The following PDE8B variants were observed in gnomAD, a reference collection of about 807,000 sequenced individuals.
PDE8B encodes high affinity cAMP-specific and IBMX-insensitive 3',5'-cyclic phosphodiesterase 8B.
PDE8B carries 26 observed loss-of-function variants against 101.3 expected under a neutral mutation model. The observed-to-expected ratio is 0.26, with a 90% CI of 0.19 to 0.36. PDE8B has a LOEUF of 0.36. PDE8B is among the 10% of genes least tolerant of loss of function. PDE8B has a pLI of 1.00. For missense variants in PDE8B, 810 were observed against 1,163.1 expected (o/e 0.70, Z 4.42); for synonymous variants, 424 against 429.3 (o/e 0.99, Z 0.15).
chr5:77,183,129 A>ATTATTATTATTATTATT, the PDE8B span, among the ~76,000 whole-genome samples: 709 of 148,078 alleles, frequency 4.8e-3, 8 homozygotes, highest in African/African-American at 0.016. Context: ...TATTATTATT[A>ATTATTATTATTATTATT]ATTATTTTGA....
rs1442689611 is a variant in PDE8B, at chr5:77,211,665, T to C, written c.339+401T>C. ...GAGCACTGAGCTGGATTTGCGTGCC[T>C]TGTAGGTGACTGGTGCAGTTGCAGC... On this transcript the variant is annotated intron_variant, in intron 1 of 21. Coordinates refer to ENST00000264917, the MANE Select transcript of PDE8B (RefSeq NM_003719.5). The surrounding 1 kb of genome is among the most constrained non-coding windows in gnomAD (Gnocchi z 4.1). Among the ~76,000 whole-genome samples, 2 of 152,180 alleles carry C rather than the reference T, an allele frequency of 1.3e-5. No homozygotes were observed. Among genetic ancestry groups the C allele is most frequent in the Non-Finnish European group, 2.9e-5 (2 of 68,030 alleles).
the PDE8B span, chr5:77,088,729 T>A: frequency 6.6e-6 from 1 of 152,610 alleles, no homozygotes; most frequent in Admixed American, 6.5e-5. Flanking sequence ...CATCTGCTCA[T>A]CTTTTGCTGC....
chr5:77,282,079 C>A (rs1401113651), intron 1 of PDE8B, among the ~76,000 whole-genome samples: 1 of 152,112 alleles, frequency 6.6e-6, no homozygotes, highest in African/African-American at 2.4e-5. Context: ...ACATGCAATC[C>A]TGTTCAGCCT....
chr5:77,107,076 A>AGT, the PDE8B span, among the ~76,000 whole-genome samples: 1 of 151,048 alleles, frequency 6.6e-6, no homozygotes, highest in East Asian at 1.9e-4. Flanking sequence ...GACAGGCCCC[A>AGT]GTGTGTGATA....
At chr5:77,195,888 G>A in the PDE8B span, among the ~76,000 whole-genome samples, 1 of 152,170 alleles carries the variant, frequency 6.6e-6, no homozygotes, top group African/African-American at 2.4e-5. Flanking sequence ...AGGTGATCTT[G>A]TTATCTTAGG....
chr5:77,118,457 G>A, the PDE8B span: 4 of 398,422 alleles, frequency 1.0e-5, no homozygotes, highest in Admixed American at 4.4e-5. Flanking sequence ...AGTACTCTGG[G>A]TGAGGAGGGA....
At chr5:77,257,361 TA>T (rs1036430689) in intron 1 of PDE8B, among the ~76,000 whole-genome samples, 8 of 152,032 alleles carry the variant, frequency 5.3e-5, no homozygotes, top group Admixed American at 2.6e-4. Flanking sequence ...ACAGAAAGCT[TA>T]AAAGTATAGA....
At chr5:77,148,684 GA>G in the PDE8B span, 1 of 152,154 alleles carries the variant, frequency 6.6e-6, no homozygotes, top group Non-Finnish European at 1.5e-5. Flanking sequence ...ATTCTTTAGT[GA>G]AATGGCTATT....
At chr5:77,400,829 A>ACTT (rs756078269) in intron 11 of PDE8B, among the ~76,000 whole-genome samples, 2 of 152,024 alleles carry the variant, frequency 1.3e-5, no homozygotes, top group Non-Finnish European at 2.9e-5. Context: ...GGACCTGATG[A>ACTT]CTTCTACAAG....
intron 17 of PDE8B, among the ~76,000 whole-genome samples, chr5:77,417,731 C>A (rs1015665597): frequency 5.3e-5 from 8 of 152,136 alleles, no homozygotes; most frequent in Non-Finnish European, 1.0e-4. Context: ...GTTATTCTTT[C>A]CCTTGGTCTT....
At chr5:77,291,299 C>A (rs1270490413) in intron 1 of PDE8B, 3 of 1,612,848 alleles carry the variant, frequency 1.9e-6, no homozygotes, top group Non-Finnish European at 2.5e-6. Flanking sequence ...ATGGGCCACT[C>A]CACACCAAGC....
intron 2 of PDE8B, among the ~76,000 whole-genome samples, chr5:77,323,594 G>A (rs984154800): frequency 1.3e-5 from 2 of 152,132 alleles, no homozygotes; most frequent in Non-Finnish European, 2.9e-5. Context: ...TGCTGAAGCC[G>A]GGTAAGGAGT....
At chr5:77,153,312 C>G in the PDE8B span, among the ~76,000 whole-genome samples, 3 of 152,140 alleles carry the variant, frequency 2.0e-5, no homozygotes, top group African/African-American at 7.2e-5. Flanking sequence ...CTGAACTTCC[C>G]AAGTATCACC....
At chr5:77,337,201 A>G in intron 5 of PDE8B, 26 bp from the exon 6 acceptor site, 1 of 1,212,662 alleles carries the variant, frequency 8.2e-7, no homozygotes, top group South Asian at 1.2e-5. Context: ...TATATGTCTT[A>G]TGTATTGTCT....
the PDE8B span, among the ~76,000 whole-genome samples, chr5:77,096,418 AT>A: frequency 6.6e-6 from 1 of 152,126 alleles, no homozygotes; most frequent in Non-Finnish European, 1.5e-5. Flanking sequence ...AGACTGGGTA[AT>A]TTATAATGAA....
intron 10 of PDE8B, among the ~76,000 whole-genome samples, chr5:77,394,223 G>A (rs1240740999): frequency 2.6e-5 from 4 of 152,050 alleles, no homozygotes; most frequent in Non-Finnish European, 5.9e-5. Context: ...ATCATGGAAC[G>A]GCCATCCACA....
intron 1 of PDE8B, among the ~76,000 whole-genome samples, chr5:77,285,596 G>A (rs1041145332): frequency 6.6e-6 from 1 of 152,034 alleles, no homozygotes; most frequent in African/African-American, 2.4e-5. Context: ...TATTTTTCCT[G>A]TCTGTCATTT....
intron 1 of PDE8B, among the ~76,000 whole-genome samples, chr5:77,270,348 G>A (rs578045934): frequency 2.0e-5 from 3 of 152,250 alleles, no homozygotes; most frequent in Non-Finnish European, 2.9e-5. Context: ...CATTCTAATA[G>A]TTTTTTGGTG....
chr5:77,367,160 C>G (rs1470900155), intron 10 of PDE8B, among the ~76,000 whole-genome samples: 1 of 149,758 alleles, frequency 6.7e-6, no homozygotes. Flanking sequence ...TCAAAACACA[C>G]ACACACACAC....
Sources: allele counts gnomAD v4.1 joint callset (sites outside exome capture counted in the v4.1 genomes callset), GRCh38; gene constraint gnomAD v4.1.1; non-coding constraint Gnocchi (gnomAD v3.1); transcripts MANE v1.5; gene names NCBI Gene and HGNC (gene_info 2026-07-23, HGNC 2026-07-21).